Variants in ZFHX3 observed in about 807,000 individuals in gnomAD.
The protein encoded by ZFHX3 is zinc finger homeobox 3.
ZFHX3 carries 42 observed loss-of-function variants against 279.1 expected under a neutral mutation model. The observed-to-expected ratio is 0.15, with a 90% CI of 0.12 to 0.19. ZFHX3 has a LOEUF of 0.19. ZFHX3 is among the 10% of genes least tolerant of loss of function. The probability of loss-of-function intolerance (pLI) is 1.00; values close to 1 mark genes in which losing one functional copy is unlikely to be tolerated. For missense variants in ZFHX3, 4,981 were observed against 4,754.0 expected (o/e 1.05, Z -1.40); for synonymous variants, 2,293 against 1,957.8 (o/e 1.17, Z -4.52).
chr16:73,543,885 G>GGGGAGAGAGAGA (rs1555523939), intron 2 of ZFHX3: 4 of 136,512 alleles, frequency 2.9e-5, no homozygotes, highest in African/African-American at 1.2e-4. Flanking sequence ...AGCGAGAGAG[G>GGGGAGAGAGAGA]GAGAGAGAGA....
chr16:73,365,473 C>T (rs1400124486), intron 3 of ZFHX3, among the ~76,000 whole-genome samples: 1 of 152,200 alleles, frequency 6.6e-6, no homozygotes, highest in African/African-American at 2.4e-5. Flanking sequence ...CGATGGGGCT[C>T]AGCACCAAGC....
rs143196685 is a variant in ZFHX3, at chr16:73,223,795, G to A, written c.-1104+33252C>T. On this transcript the variant is annotated intron_variant, in intron 5 of 17. Transcript: ENST00000641206. ...TATTCATAATTGCCGAAACTTGAGAGTAACCAAGATGTCCTTCACCAGGTG... is the reference window on the plus strand; with the variant it reads ...TATTCATAATTGCCGAAACTTGAGAATAACCAAGATGTCCTTCACCAGGTG... Among the ~76,000 whole-genome samples the A allele has an allele frequency of 4.2e-4, 64 of 152,258 alleles. 2 individuals carry two copies. In the East Asian group the frequency reaches 0.011, roughly 27 times the overall value.
chr16:73,410,830 G>C (rs986819613), intron 3 of ZFHX3, among the ~76,000 whole-genome samples: 4 of 152,210 alleles, frequency 2.6e-5, no homozygotes, highest in African/African-American at 9.7e-5. Context: ...ACACAAGCAT[G>C]ATTCCATCTC....
intron 1 of ZFHX3, among the ~76,000 whole-genome samples, chr16:73,747,096 A>C (rs1273673915): frequency 1.3e-5 from 2 of 152,236 alleles, no homozygotes; most frequent in African/African-American, 4.8e-5. Context: ...AGCAGCTCAT[A>C]TATCTTACAG....
chr16:73,602,986 C>A (rs1165512311), intron 2 of ZFHX3, among the ~76,000 whole-genome samples: 5 of 143,812 alleles, frequency 3.5e-5, no homozygotes, highest in African/African-American at 1.3e-4. Flanking sequence ...TCCTGCAAGT[C>A]AATAAGAAAA....
At chr16:72,858,700 C>A (rs2037812162) in intron 4 of ZFHX3, among the ~76,000 whole-genome samples, 1 of 152,196 alleles carries the variant, frequency 6.6e-6, no homozygotes, top group South Asian at 2.1e-4. Context: ...GTGAGTGCTG[C>A]ACTAAATATG....
rs951116480 is a variant in ZFHX3, at chr16:73,093,853, T to C, written c.-896-255A>G. On this transcript the variant is annotated intron_variant, in intron 7 of 17. Transcript: ENST00000641206. The stretch of plus-strand genomic sequence containing the variant: ...AAGCGAGGCGGGAAAAGAAAATGAA[T>C]TTTAGGGCTTAGAAAAACAAGCTAC... 9 of 283,910 alleles carry C rather than the reference T, an allele frequency of 3.2e-5. No individual in the cohort carries two copies. The Admixed American group carries it at 3.9e-4, about 12-fold the overall frequency. The allele number at this position is 283,910 out of a possible 1,614,324, so 17.6% of individuals were successfully genotyped here.
chr16:73,558,805 T>A, intron 2 of ZFHX3, among the ~76,000 whole-genome samples: 1 of 144,268 alleles, frequency 6.9e-6, no homozygotes, highest in Middle Eastern at 3.9e-3. Flanking sequence ...CTCTGCCACC[T>A]GGGTTCAGGT....
rs1397822023 is a variant in ZFHX3, at chr16:72,794,294, G to C, written c.8388C>G (p.Pro2796=). The C allele has an allele frequency of 1.2e-6, 2 of 1,611,700 alleles. No individual in the cohort carries two copies. The highest frequency in any genetic ancestry group is 1.7e-6 in the Non-Finnish European group (2 of 1,178,648). Residue 2796 remains proline, a synonymous_variant, in exon 9 of 10, where the codon CCC becomes CCG. Transcript: ENST00000268489. The surrounding 1 kb of genome is among the most constrained non-coding windows in gnomAD (Gnocchi z 4.2). ...TGGAGGAAGGGCTTAGAAGAGTTCT[G>C]GGTGACAATTCCATGGTTTTACTCA... ...SPVSKTMELS[P]RTLLSPSSIK...
intron 1 of ZFHX3, among the ~76,000 whole-genome samples, chr16:73,752,711 C>T (rs561928759): frequency 2.0e-5 from 3 of 152,104 alleles, no homozygotes; most frequent in African/African-American, 4.8e-5. Context: ...AAAACCATGT[C>T]GACTAGTGAG....
intron 1 of ZFHX3, among the ~76,000 whole-genome samples, chr16:73,784,786 T>TAAAAAAAA (rs66537411): frequency 1.5e-4 from 20 of 133,812 alleles, no homozygotes; most frequent in South Asian, 2.3e-4. Context: ...TTTAACAAAA[T>TAAAAAAAA]AAAAAAAAAA....
chr16:72,947,459 C>G (rs184668539), intron 3 of ZFHX3, among the ~76,000 whole-genome samples: 1 of 152,314 alleles, frequency 6.6e-6, no homozygotes, highest in Non-Finnish European at 1.5e-5. Flanking sequence ...GGCAGTGACT[C>G]CGGCCCAGGG....
chr16:73,492,833 G>A (rs2019076680), intron 2 of ZFHX3, among the ~76,000 whole-genome samples: 1 of 152,110 alleles, frequency 6.6e-6, no homozygotes, highest in South Asian at 2.1e-4. Context: ...TCAATAAACT[G>A]CTCCTAGCGG....
rs1316162859 is a variant in ZFHX3, at chr16:73,100,597, G to A, written c.-896-6999C>T. Among the ~76,000 whole-genome samples, 8 of 132,760 alleles carry A rather than the reference G, an allele frequency of 6.0e-5. 1 individual carries two copies. The highest frequency in any genetic ancestry group is 2.9e-4 in the East Asian group (1 of 3,480). The allele number at this position is 132,760 out of a possible 152,430, so 87.1% of individuals were successfully genotyped here. ...CCCCTCTTTTTTTTTTTTTTGAGAC[G>A]GAGTCTTAGTCTTGCTCTGTTACCC... On this transcript the variant is annotated intron_variant, in intron 7 of 17. Transcript: ENST00000641206.
chr16:72,837,956 C>A (rs1000585160), intron 4 of ZFHX3, among the ~76,000 whole-genome samples: 1 of 152,148 alleles, frequency 6.6e-6, no homozygotes, highest in Non-Finnish European at 1.5e-5. Context: ...CACAAGAATT[C>A]TTTTTACCAC....
At chr16:73,333,134 T>C (rs1279421762) in intron 3 of ZFHX3, among the ~76,000 whole-genome samples, 5 of 152,142 alleles carry the variant, frequency 3.3e-5, no homozygotes, top group Admixed American at 1.3e-4. Context: ...AGATACATAG[T>C]AGATAGACAC....
intron 7 of ZFHX3, among the ~76,000 whole-genome samples, chr16:73,119,509 G>A (rs563366891): frequency 1.1e-4 from 17 of 152,282 alleles, no homozygotes; most frequent in Non-Finnish European, 2.2e-4. Context: ...GGCTGATGGG[G>A]TAGAGAGGAA....
At chr16:73,734,101 T>G (rs901114788) in intron 1 of ZFHX3, among the ~76,000 whole-genome samples, 6 of 152,086 alleles carry the variant, frequency 3.9e-5, no homozygotes, top group Non-Finnish European at 7.4e-5. Context: ...TTCACAATAG[T>G]GTTTGTGCTC....
chr16:72,880,752 T>A (rs1478521175), intron 4 of ZFHX3, among the ~76,000 whole-genome samples: 1 of 152,204 alleles, frequency 6.6e-6, no homozygotes, highest in Non-Finnish European at 1.5e-5. Flanking sequence ...TTAAAAGCAA[T>A]AAATGGCTCC....
Sources: gnomAD v4.1 joint callset for allele counts (sites outside exome capture counted in the v4.1 genomes callset) on GRCh38, gnomAD v4.1.1 for gene constraint, Gnocchi (gnomAD v3.1) non-coding constraint, MANE v1.5 for transcripts, NCBI Gene and HGNC (gene_info 2026-07-23, HGNC 2026-07-21) for gene names.